Variants in TRMT10A observed in about 807,000 individuals in gnomAD.
TRMT10A encodes tRNA methyltransferase 10A.
In TRMT10A, 37 loss-of-function variants were observed where a neutral mutation model predicts 40.4. The observed-to-expected ratio is 0.92, with a 90% CI of 0.71 to 1.21. TRMT10A has a LOEUF of 1.21. TRMT10A is among the 50% of genes most tolerant of loss of function. TRMT10A has a pLI of 0.00. For synonymous variants in TRMT10A, 103 were observed against 134.1 expected, an observed-to-expected ratio of 0.77 and a Z score of 1.60; for missense variants, 388 against 404.3, an observed-to-expected ratio of 0.96 and a Z score of 0.35.
At position 99,549,275 on chromosome 4, in the gene TRMT10A, G is replaced by A; in HGVS notation, c.833C>T (p.Ala278Val). Residue 278 changes from alanine (A) to valine (V), a missense_variant, in exon 8 of 8, where the codon GCT (alanine) becomes GTT (valine). Transcript: ENST00000394876. The stretch of plus-strand genomic sequence containing the variant: ...TTCACAGGCTTTGTCTGTGGGAACA[G>A]CTCCTTTCCGTTGGGGCAAGATAGT... ...FFTILPQRKG[A>V]VPTDKACESA... 1 of 1,614,108 alleles carries A rather than the reference G, an allele frequency of 6.2e-7. No homozygotes were observed. The highest frequency in any genetic ancestry group is 8.5e-7 in the Non-Finnish European group (1 of 1,179,988).
chr4:99,553,156 C>T (rs1724028493), intron 6 of TRMT10A, among the ~76,000 whole-genome samples: 1 of 152,074 alleles, frequency 6.6e-6, no homozygotes, highest in African/African-American at 2.4e-5. Context: ...TTCAGTTCTT[C>T]AGTCATACTG....
chr4:99,551,061 T>C, intron 6 of TRMT10A, 71 bp from the exon 7 acceptor site: 1 of 1,100,278 alleles, frequency 9.1e-7, no homozygotes, highest in Middle Eastern at 3.0e-4. Flanking sequence ...GTATAAATAA[T>C]TTTTAGATAA....
chr4:99,550,442 G>A (rs973572204), intron 7 of TRMT10A, among the ~76,000 whole-genome samples: 4 of 152,048 alleles, frequency 2.6e-5, no homozygotes, highest in Admixed American at 2.6e-4. Context: ...TGTCTGCCTC[G>A]GTCTCTCAAA....
chr4:99,563,604 G>T, intron 1 of TRMT10A: 1 of 264,010 alleles, frequency 3.8e-6, no homozygotes, highest in Non-Finnish European at 7.7e-6. Context: ...ACACGCCGAC[G>T]GAAAGCGCCC....
At chr4:99,551,070 A>G (rs1723945082) in intron 6 of TRMT10A, 80 bp from the exon 7 acceptor site, 2 of 1,033,594 alleles carry the variant, frequency 1.9e-6, no homozygotes, top group Non-Finnish European at 1.4e-6. Flanking sequence ...ATTTTTAGAT[A>G]AGATTTATAG....
At chr4:99,562,515 CTTTTTTTTTTTTTT>C (rs67816425) in intron 1 of TRMT10A, among the ~76,000 whole-genome samples, 1 of 76,642 alleles carries the variant, frequency 1.3e-5, no homozygotes, top group Non-Finnish European at 2.4e-5. Flanking sequence ...AAAGGAATGC[CTTTTTTTTTTTTTT>C]TTTTTTTTTT....
At chr4:99,563,142 A>C (rs1333739195) in intron 1 of TRMT10A, among the ~76,000 whole-genome samples, 1 of 152,224 alleles carries the variant, frequency 6.6e-6, no homozygotes, top group Non-Finnish European at 1.5e-5. Context: ...TTTAAAAGAC[A>C]TGCGGACTAA....
At chr4:99,561,116 G>A (rs1724373700) in intron 1 of TRMT10A, among the ~76,000 whole-genome samples, 1 of 151,896 alleles carries the variant, frequency 6.6e-6, no homozygotes, top group Non-Finnish European at 1.5e-5. Context: ...ACAAGCGCGC[G>A]CCACCACGCC....
chr4:99,551,689 T>TA (rs1204523738), intron 6 of TRMT10A, among the ~76,000 whole-genome samples: 1 of 151,978 alleles, frequency 6.6e-6, no homozygotes, highest in Non-Finnish European at 1.5e-5. Flanking sequence ...AATAATTACA[T>TA]ATAAAACAGC....
Position 99,548,831 on chromosome 4 carries a change from C to T in TRMT10A, c.*257G>A. ...AAATATACTAATACAGTAAAATTAT[C>T]TAGAAACTACTGAGGCTTTAAAAAC... On this transcript the variant is annotated 3_prime_UTR_variant, in exon 8 of 8. Transcript: ENST00000394876. 2 of 326,544 alleles carry T rather than the reference C, an allele frequency of 6.1e-6. No individual in the cohort carries two copies. The highest frequency in any genetic ancestry group is 8.1e-5 in the South Asian group (1 of 12,292). The allele number at this position is 326,544 out of a possible 1,614,324, so 20.2% of individuals were successfully genotyped here.
At chr4:99,552,471 A>C (rs1199382979) in intron 6 of TRMT10A, among the ~76,000 whole-genome samples, 2 of 152,192 alleles carry the variant, frequency 1.3e-5, no homozygotes, top group Non-Finnish European at 2.9e-5. Flanking sequence ...GCCTATGTGT[A>C]GTAGGCTATA....
Position 99,549,199 on chromosome 4 carries a change from G to A in TRMT10A, c.909C>T (p.Asp303=). 6.2e-7 allele frequency: 1 copy of A among 1,614,020 alleles called. No homozygotes were observed. The highest frequency in any genetic ancestry group is 2.2e-5 in the East Asian group (1 of 44,862). Residue 303 remains aspartate (D), a synonymous_variant, in exon 8 of 8, where the codon GAC becomes GAT. Transcript: ENST00000394876. ...TATATTCCTCCTCACTGGAATCACT[G>A]TCCGATCCACCTTCCTCCATCCTGA... ...QSVRMEEGGS[D]SDSSEEEYSR...
intron 1 of TRMT10A, among the ~76,000 whole-genome samples, chr4:99,562,526 T>TTTTTTC (rs1359816532): frequency 7.6e-6 from 1 of 132,080 alleles, no homozygotes; most frequent in Non-Finnish European, 1.6e-5. Context: ...TTTTTTTTTT[T>TTTTTTC]TTTTTTTTTT....
intron 2 of TRMT10A, among the ~76,000 whole-genome samples, chr4:99,558,943 A>T (rs937762249): frequency 2.0e-5 from 3 of 152,172 alleles, no homozygotes; most frequent in South Asian, 2.1e-4. Context: ...ATTTTAAAAA[A>T]TAGTTTTAAC....
Position 99,553,842 on chromosome 4 carries a change from T to C in TRMT10A, c.588A>G (p.Glu196=). ...LTSDSPNILK[E]LDESKAYVIG... is the part of the protein sequence containing the mutation. ...TCACATAGGCCTTTGATTCATCTAA[T>C]TCCTTCAGTATATTAGGTGAATCTG... Residue 196 remains glutamate (E), a synonymous_variant, in exon 6 of 8, where the codon GAA becomes GAG. Transcript: ENST00000394876. 3.1e-6 allele frequency: 5 copies of C among 1,613,600 alleles called. No individual in the cohort carries two copies. The highest frequency in any genetic ancestry group is 4.2e-6 in the Non-Finnish European group (5 of 1,179,766).
At chr4:99,559,895 A>G (rs922217432) in intron 1 of TRMT10A, among the ~76,000 whole-genome samples, 17 of 152,144 alleles carry the variant, frequency 1.1e-4, no homozygotes, top group Admixed American at 7.9e-4. Flanking sequence ...TTATACATTA[A>G]ACAAAATCAA....
chr4:99,553,445 T>C (rs1339754090), intron 6 of TRMT10A, among the ~76,000 whole-genome samples: 1 of 152,204 alleles, frequency 6.6e-6, no homozygotes, highest in Non-Finnish European at 1.5e-5. Flanking sequence ...CTTCTATCAG[T>C]AAAGCATAGA....
chr4:99,562,941 C>T (rs949756331), intron 1 of TRMT10A, among the ~76,000 whole-genome samples: 5 of 152,068 alleles, frequency 3.3e-5, no homozygotes, highest in African/African-American at 9.7e-5. Flanking sequence ...CCTGCCTCAG[C>T]CCCCCCAGTA....
chr4:99,559,016 TTTC>T (rs1724276778), intron 2 of TRMT10A, 135 bp downstream of exon 2: 1 of 951,198 alleles, frequency 1.1e-6, no homozygotes, highest in African/African-American at 1.6e-5. Context: ...CTCTTGCGTT[TTTC>T]TTTACGCTTT....
Sources: allele counts gnomAD v4.1 joint callset (sites outside exome capture counted in the v4.1 genomes callset), GRCh38; gene constraint gnomAD v4.1.1; transcripts MANE v1.5; gene names NCBI Gene and HGNC (gene_info 2026-07-23, HGNC 2026-07-21).